Variants in SLC6A5 observed in about 807,000 individuals in gnomAD.
SLC6A5 encodes the protein sodium- and chloride-dependent glycine transporter 2.
Under a neutral mutation model 90.5 loss-of-function variants are expected in SLC6A5, and 58 were observed. That is an observed-to-expected ratio of 0.64 (90% confidence interval 0.52 to 0.80). The LOEUF (loss-of-function observed/expected upper bound fraction) is 0.80, where lower values mean the gene tolerates loss of function less well. Among genes scored for constraint, SLC6A5 ranks in the 30% least tolerant of loss-of-function variants. The probability of loss-of-function intolerance (pLI) is 0.00; values close to 1 mark genes in which losing one functional copy is unlikely to be tolerated. For missense variants in SLC6A5, 1,015 were observed against 1,017.6 expected, an observed-to-expected ratio of 1.00 and a Z score of 0.03; for synonymous variants, 427 against 401.4, an observed-to-expected ratio of 1.06 and a Z score of -0.76.
At chr11:20,614,469 G>A (rs1852748178) in intron 5 of SLC6A5, among the ~76,000 whole-genome samples, 2 of 152,252 alleles carry the variant, frequency 1.3e-5, no homozygotes, top group Admixed American at 1.3e-4. Flanking sequence ...ACAAGGTGCA[G>A]TTGTGGGGAC....
chr11:20,639,241 A>C (rs1423915495), intron 13 of SLC6A5, among the ~76,000 whole-genome samples: 1 of 152,072 alleles, frequency 6.6e-6, no homozygotes, highest in Non-Finnish European at 1.5e-5. Flanking sequence ...CCTTGTATGC[A>C]CTGTCGGTGA....
In SLC6A5 at chr11:20,618,641, A is replaced by G. The variant is rs570959048; in HGVS notation, c.1260+757A>G. Among the ~76,000 whole-genome samples the G allele has an allele frequency of 8.5e-5, 13 of 152,292 alleles. No homozygotes were observed. In the South Asian group the frequency reaches 2.7e-3, roughly 32 times the overall value. ...TTTCTTCATCTCCTTGCAGCCTTAG[A>G]AAAACCTACTGAAGGTTGGGTGCAG... On this transcript the variant is annotated intron_variant, in intron 7 of 15. Coordinates refer to ENST00000525748, the MANE Select transcript of SLC6A5 (RefSeq NM_004211.5).
intron 10 of SLC6A5, among the ~76,000 whole-genome samples, chr11:20,631,123 G>A (rs1261437146): frequency 5.3e-5 from 8 of 152,210 alleles, no homozygotes; most frequent in South Asian, 2.1e-4. Context: ...ATACCTGTTA[G>A]GTATGAGTAG....
At chr11:20,642,756 G>A (rs1357739194) in intron 13 of SLC6A5, among the ~76,000 whole-genome samples, 1 of 152,216 alleles carries the variant, frequency 6.6e-6, no homozygotes. Context: ...GGACTCAGGT[G>A]GGGACTTGGA....
At chr11:20,616,598 G>A (rs1852787190) in intron 6 of SLC6A5, among the ~76,000 whole-genome samples, 1 of 152,156 alleles carries the variant, frequency 6.6e-6, no homozygotes, top group Admixed American at 6.5e-5. Flanking sequence ...ATGGGACATG[G>A]GGAAGGTCCT....
At chr11:20,630,856 C>T (rs763380365) in intron 10 of SLC6A5, 41 bp downstream of exon 10, 1 of 1,611,138 alleles carries the variant, frequency 6.2e-7, no homozygotes, top group Admixed American at 1.7e-5. Flanking sequence ...GGGCAGGTCC[C>T]AGGCTCATGT....
rs1192721454 is a variant in SLC6A5, at chr11:20,658,830, C to G, written c.*3962C>G. On this transcript the variant is annotated 3_prime_UTR_variant, in exon 16 of 16. Coordinates refer to ENST00000525748, the MANE Select transcript of SLC6A5 (RefSeq NM_004211.5). ...TGTTAGGATGATTCTTAGTAATTGA[C>G]TAAAAACTGTTTTGTCTCTCATTTG... is the stretch of plus-strand genomic sequence containing the variant. 1.3e-5 allele frequency: 2 copies of G among 152,092 alleles called. No individual in the cohort carries two copies. The highest frequency in any genetic ancestry group is 2.9e-5 in the Non-Finnish European group (2 of 68,018). The allele number at this position is 152,092 out of a possible 1,614,324, so 9.4% of individuals were successfully genotyped here. A position where few individuals can be genotyped will look rare whatever the true frequency, so the allele number is the denominator to read the frequency against.
rs55849528 is a variant in SLC6A5 at position 20,650,655 on chromosome 11, C to CT, written c.2071-1605dup. 1.7e-3 allele frequency among the ~76,000 whole-genome samples: 137 copies of CT among 79,840 alleles called. 7 individuals carry two copies. Among genetic ancestry groups the CT allele is most frequent in the Middle Eastern group, 9.1e-3 (1 of 110 alleles). 52.4% of individuals were successfully genotyped at this position (79,840 alleles called of 152,430 possible). On this transcript the variant is annotated intron_variant, in intron 14 of 15. Transcript: ENST00000525748. ...TCACCACTTGGTGATGACGCCTGTTCTTTTTTTTTTTTTTTTTTTTTTTTT... is the reference window on the plus strand; with the variant it reads ...TCACCACTTGGTGATGACGCCTGTTCTTTTTTTTTTTTTTTTTTTTTTTTTT...
intron 2 of SLC6A5, among the ~76,000 whole-genome samples, chr11:20,602,588 A>G (rs1852500793): frequency 6.6e-6 from 1 of 151,836 alleles, no homozygotes. Context: ...TCCTGGCCTC[A>G]GGGGCTATGC....
intron 7 of SLC6A5, among the ~76,000 whole-genome samples, chr11:20,619,060 GT>G (rs1194385607): frequency 6.6e-6 from 1 of 152,088 alleles, no homozygotes; most frequent in East Asian, 1.9e-4. Flanking sequence ...GTATTTGCAT[GT>G]TTTAGGATGA....
At chr11:20,611,604 A>G (rs1160041480) in intron 5 of SLC6A5, among the ~76,000 whole-genome samples, 7 of 152,134 alleles carry the variant, frequency 4.6e-5, no homozygotes, top group Admixed American at 4.6e-4. Context: ...GGGGAGATGG[A>G]TTTGAGGTTT....
At chr11:20,644,028 G>A (rs1405857523) in intron 13 of SLC6A5, among the ~76,000 whole-genome samples, 1 of 152,146 alleles carries the variant, frequency 6.6e-6, no homozygotes, top group African/African-American at 2.4e-5. Context: ...GTACATACAT[G>A]ATATATTTTT....
At chr11:20,614,450 G>T (rs939938649) in intron 5 of SLC6A5, among the ~76,000 whole-genome samples, 1 of 152,184 alleles carries the variant, frequency 6.6e-6, no homozygotes, top group African/African-American at 2.4e-5. Flanking sequence ...AAATGCCTTT[G>T]TCATCAGTAC....
chr11:20,601,070 C>A, intron 1 of SLC6A5, 59 bp from the exon 2 acceptor site: 2 of 1,520,092 alleles, frequency 1.3e-6, no homozygotes, highest in Non-Finnish European at 1.8e-6. Context: ...TATCTAGATA[C>A]AGGTATTTTA....
At chr11:20,617,975 G>A in intron 7 of SLC6A5, 91 bp downstream of exon 7, 1 of 1,326,390 alleles carries the variant, frequency 7.5e-7, no homozygotes. Context: ...AGAGAGTCAG[G>A]AGCTGTGGAT....
intron 13 of SLC6A5, among the ~76,000 whole-genome samples, chr11:20,638,989 C>T (rs1358829968): frequency 6.6e-6 from 1 of 152,062 alleles, no homozygotes; most frequent in Non-Finnish European, 1.5e-5. Context: ...GAACAGAGAC[C>T]ACTCAGCTCA....
At chr11:20,634,285 CTT>C (rs1853162777) in intron 10 of SLC6A5, among the ~76,000 whole-genome samples, 3 of 152,182 alleles carry the variant, frequency 2.0e-5, no homozygotes, top group Admixed American at 6.5e-5. Flanking sequence ...GCCATATACT[CTT>C]TTAAACATCT....
chr11:20,640,186 A>C (rs1384870391), intron 13 of SLC6A5, among the ~76,000 whole-genome samples: 1 of 152,164 alleles, frequency 6.6e-6, no homozygotes, highest in East Asian at 1.9e-4. Flanking sequence ...CAGTTGGCAA[A>C]GTCGGGAAAG....
At position 20,624,338 on chromosome 11, in the gene SLC6A5, A is replaced by G. The variant is rs186656438; in HGVS notation, c.1261-2370A>G. On this transcript the variant is annotated intron_variant, in intron 7 of 15. Coordinates refer to ENST00000525748, the MANE Select transcript of SLC6A5 (RefSeq NM_004211.5). ...CCGGTTAATTTTTGTATTTTTGTGG[A>G]GATGGGGTTTCACTATGTTGCCCAG... is the stretch of plus-strand genomic sequence containing the variant. Among the ~76,000 whole-genome samples, 594 of 151,950 alleles carry G rather than the reference A, an allele frequency of 3.9e-3. 1 individual carries two copies. Among genetic ancestry groups the G allele is most frequent in the Non-Finnish European group, 5.0e-3 (343 of 67,972 alleles).
Sources: gnomAD v4.1 joint callset for allele counts (sites outside exome capture counted in the v4.1 genomes callset) on GRCh38, gnomAD v4.1.1 for gene constraint, MANE v1.5 for transcripts, NCBI Gene and HGNC (gene_info 2026-07-23, HGNC 2026-07-21) for gene names.